GSTM2: variants seen among roughly 807,000 people sequenced by gnomAD.
GSTM2 encodes the protein glutathione S-transferase mu 2.
Under a neutral mutation model 33.3 loss-of-function variants are expected in GSTM2, and 33 were observed. The observed-to-expected ratio is 0.99, with a 90% CI of 0.75 to 1.33. GSTM2 has a LOEUF of 1.33. GSTM2 is among the 40% of genes most tolerant of loss of function. The pLI is 0.00. For synonymous variants in GSTM2, 93 were observed against 95.6 expected (o/e 0.97, Z 0.16); for missense variants, 213 against 265.8 (o/e 0.80, Z 1.38).
downstream of GSTM2, among the ~76,000 whole-genome samples, chr1:109,679,332 ATGG>A (rs1647799232): frequency 6.6e-6 from 1 of 152,056 alleles, no homozygotes; most frequent in African/African-American, 2.4e-5. Flanking sequence ...TTAGCCGGGC[ATGG>A]TGGTGGGCAC....
In GSTM2 at chr1:109,669,858, A is replaced by G. The variant is rs939019180; in HGVS notation, c.360+287A>G. 4.0e-5 allele frequency: 15 copies of G among 375,464 alleles called. No individual in the cohort carries two copies. The Admixed American group carries it at 5.8e-4, about 14-fold the overall frequency. 23.3% of individuals were successfully genotyped at this position (375,464 alleles called of 1,614,324 possible). A position where few individuals can be genotyped will look rare whatever the true frequency, so the allele number is the denominator to read the frequency against. ...CGCAGACCTTCGCAGTGAGTGCTAC[A>G]GCTCTTAAAGGTGGCGCGTCTGGAG... is the stretch of plus-strand genomic sequence containing the variant. On this transcript the variant is annotated intron_variant, in intron 5 of 7. Transcript: ENST00000241337.
intron 5 of GSTM2, 95 bp from the exon 6 acceptor site, chr1:109,671,192 G>A: frequency 1.2e-6 from 1 of 820,324 alleles, no homozygotes; most frequent in Non-Finnish European, 2.1e-6. Context: ...ATGACTGCTT[G>A]CCCGCGGCCA....
At chr1:109,679,487 A>G (rs1397182898), downstream of GSTM2, among the ~76,000 whole-genome samples, 2 of 152,116 alleles carry the variant, frequency 1.3e-5, no homozygotes, top group East Asian at 3.8e-4. Flanking sequence ...CAAAAAAAGA[A>G]AAAAAGAATA....
Position 109,668,941 on chromosome 1 carries a change from A to C in GSTM2, c.129A>C (p.Arg43Ser). Residue 43 changes from arginine (R) to serine (S), a missense_variant, in exon 3 of 8, where the codon AGA becomes AGC. Arg to Ser is a moderately radical substitution (Grantham distance 110). Transcript: ENST00000241337. The stretch of plus-strand genomic sequence containing the variant: ...CCACCACAGCTCCTGATTATGACAG[A>C]AGCCAGTGGCTGAATGAAAAATTCA... The part of the protein sequence containing the change: ...YTMGDAPDYD[R>S]SQWLNEKFKL... 1 of 1,612,312 alleles carries C rather than the reference A, an allele frequency of 6.2e-7. No homozygotes were observed. Among genetic ancestry groups the C allele is most frequent in the Non-Finnish European group, 8.5e-7 (1 of 1,179,836 alleles).
At chr1:109,677,005 A>G (rs569571016), downstream of GSTM2, among the ~76,000 whole-genome samples, 7 of 152,312 alleles carry the variant, frequency 4.6e-5, no homozygotes, top group South Asian at 8.3e-4. Flanking sequence ...ATATCCGAAA[A>G]TACAACTCAT....
At position 109,671,289 on chromosome 1, in the gene GSTM2, GA is replaced by G; in HGVS notation, c.366del (p.Lys122AsnfsTer2). 6.2e-7 allele frequency: 1 copy of G among 1,611,370 alleles called. No homozygotes were observed. The highest frequency in any genetic ancestry group is 8.5e-7 in the Non-Finnish European group (1 of 1,177,500). ...AKLCYDPDFEKLKPEYLQALP... is the reference protein window; with the variant it reads ...AKLCYDPDFEXLKPEYLQALP... ...TTGACAGCTGTTTTCTGCCTCAGGA[GA>G]AACTGAAACCAGAATACCTGCAGGC... On this transcript the variant is annotated frameshift_variant, in exon 6 of 8. Transcript: ENST00000241337. LOFTEE classifies it high-confidence loss of function.
At position 109,668,559 on chromosome 1, in the gene GSTM2, C is replaced by T. The variant is rs1460366444; in HGVS notation, c.112+59C>T. Reference sequence around the variant, plus strand: ...TCACACTAAGTTGGCACCAAGCAACCGATAGTGGCCACCTGTGGCTGACTC... The same window carrying T: ...TCACACTAAGTTGGCACCAAGCAACTGATAGTGGCCACCTGTGGCTGACTC... On this transcript the variant is annotated intron_variant, in intron 2 of 7. Coordinates refer to ENST00000241337, the MANE Select transcript of GSTM2 (RefSeq NM_000848.4). The T allele has an allele frequency of 3.2e-6, 5 of 1,571,960 alleles. No individual in the cohort carries two copies. The Admixed American group carries it at 6.7e-5, about 21-fold the overall frequency.
At chr1:109,680,333 T>C (rs1570633678) in intron 7 of GSTM2, among the ~76,000 whole-genome samples, 1 of 151,298 alleles carries the variant, frequency 6.6e-6, no homozygotes, top group East Asian at 1.9e-4. Flanking sequence ...AAGTAAGTTT[T>C]ATAAAATCAA....
downstream of GSTM2, among the ~76,000 whole-genome samples, chr1:109,678,031 T>C (rs1362312048): frequency 1.3e-5 from 2 of 152,266 alleles, no homozygotes; most frequent in African/African-American, 2.4e-5. Context: ...TATACGTTCA[T>C]CTTAATGGTG....
chr1:109,678,421 G>T (rs753436054), downstream of GSTM2, among the ~76,000 whole-genome samples: 3 of 152,116 alleles, frequency 2.0e-5, no homozygotes, highest in Non-Finnish European at 2.9e-5. Flanking sequence ...ACAGGTGTGA[G>T]CCACCACTCC....
At chr1:109,676,068 C>G (rs151129216), downstream of GSTM2, among the ~76,000 whole-genome samples, 594 of 152,302 alleles carry the variant, frequency 3.9e-3, 7 homozygotes, top group African/African-American at 0.013. Context: ...ATAAAACCAT[C>G]AGATCTTGTG....
chr1:109,680,005 C>G (rs1390902210), downstream of GSTM2, among the ~76,000 whole-genome samples: 1 of 152,128 alleles, frequency 6.6e-6, no homozygotes, highest in Non-Finnish European at 1.5e-5. Context: ...CTCCACACTC[C>G]TGGTTCTCTG....
chr1:109,669,210 T>C (rs1049473216), intron 3 of GSTM2, 80 bp from the exon 4 acceptor site: 2 of 1,516,446 alleles, frequency 1.3e-6, no homozygotes, highest in East Asian at 2.2e-5. Context: ...CCTGGTCTCC[T>C]CTTTGCCCTT....
Position 109,674,813 on chromosome 1 carries a change from A to T in GSTM2, c.634A>T (p.Met212Leu), listed in dbSNP as rs758210917. The change falls in exon 8 of 8, where the codon ATG (methionine) becomes TTG (leucine). Residue 212 changes from methionine to leucine, a missense_variant. Met to Leu is a conservative substitution (Grantham distance 15). Coordinates refer to ENST00000241337, the MANE Select transcript of GSTM2 (RefSeq NM_000848.4). The stretch of plus-strand genomic sequence containing the variant: ...CCTCCCAAGACCTGTGTTCACAAAG[A>T]TGGCTGTCTGGGGCAACAAGTAGGG... ...RFLPRPVFTK[M>L]AVWGNK 1 of 1,614,188 alleles carries T rather than the reference A, an allele frequency of 6.2e-7. No homozygotes were observed. Among genetic ancestry groups the T allele is most frequent in the Admixed American group, 1.7e-5 (1 of 60,026 alleles).
At chr1:109,676,713 G>A (rs1352471081), downstream of GSTM2, among the ~76,000 whole-genome samples, 2 of 152,302 alleles carry the variant, frequency 1.3e-5, no homozygotes, top group Non-Finnish European at 2.9e-5. Flanking sequence ...TCCAAAGGCT[G>A]TGTGGGGATC....
At chr1:109,675,988 G>A (rs531707128), downstream of GSTM2, among the ~76,000 whole-genome samples, 19 of 152,330 alleles carry the variant, frequency 1.2e-4, no homozygotes, top group Non-Finnish European at 2.1e-4. Flanking sequence ...ATGGCAGAAG[G>A]CGAATGAGGA....
At chr1:109,674,070 C>G (rs147406851) in intron 7 of GSTM2, among the ~76,000 whole-genome samples, 7 of 152,272 alleles carry the variant, frequency 4.6e-5, no homozygotes, top group African/African-American at 1.7e-4. Context: ...TGATTAGAGC[C>G]TAGTCTCGCC....
chr1:109,669,290 C>G lies in GSTM2; in HGVS notation c.178C>G (p.Leu60Val). 1 of 1,614,158 alleles carries G rather than the reference C, an allele frequency of 6.2e-7. No individual in the cohort carries two copies. Among genetic ancestry groups the G allele is most frequent in the Non-Finnish European group, 8.5e-7 (1 of 1,180,002 alleles). The change falls in exon 4 of 8, where the codon CTG becomes GTG. Residue 60 changes from leucine (L) to valine (V), a missense_variant and splice_region_variant. Coordinates refer to ENST00000241337, the MANE Select transcript of GSTM2 (RefSeq NM_000848.4). ...KFKLGLDFPN[L>V]PYLIDGTHKI... ...CTTCCCCGGTTTCCCATCTATCCAG[C>G]TGCCCTACTTGATTGATGGGACTCA...
chr1:109,674,760 T>A lies in GSTM2; in HGVS notation c.581T>A (p.Ile194Asn). The A allele has an allele frequency of 2.5e-6, 4 of 1,614,148 alleles. No homozygotes were observed. Among genetic ancestry groups the A allele is most frequent in the Non-Finnish European group, 3.4e-6 (4 of 1,180,030 alleles). The change falls in exon 8 of 8, where the codon ATC becomes AAC. Residue 194 changes from isoleucine (I) to asparagine (N), a missense_variant. By Grantham distance (149) the Ile-to-Asn change is moderately radical. Transcript: ENST00000241337. The part of the protein sequence containing the change: ...FISRFEGLEK[I>N]SAYMKSSRFL... ...CCCCCCTCTCAGGGCTTGGAGAAGATCTCTGCCTACATGAAGTCCAGCCGC... is the reference window on the plus strand; with the variant it reads ...CCCCCCTCTCAGGGCTTGGAGAAGAACTCTGCCTACATGAAGTCCAGCCGC...
Sources: gnomAD v4.1 joint callset for allele counts (sites outside exome capture counted in the v4.1 genomes callset) on GRCh38, gnomAD v4.1.1 for gene constraint, MANE v1.5 for transcripts, NCBI Gene and HGNC (gene_info 2026-07-23, HGNC 2026-07-21) for gene names.